ARFGEF2: variants seen among roughly 807,000 people sequenced by gnomAD.
ARFGEF2 encodes the protein brefeldin A-inhibited guanine nucleotide-exchange protein 2.
In ARFGEF2, 74 loss-of-function variants were observed where a neutral mutation model predicts 219.9. The ratio of observed to expected loss-of-function variants is 0.34; its 90% CI spans 0.28 to 0.41. ARFGEF2 has a LOEUF of 0.41. Ranked by LOEUF, ARFGEF2 falls within the 10% of genes least tolerant of loss-of-function variation. ARFGEF2 has a pLI of 1.00. For missense variants in ARFGEF2, 1,743 were observed against 2,218.3 expected, an observed-to-expected ratio of 0.79 and a Z score of 4.30; for synonymous variants, 733 against 799.2, an observed-to-expected ratio of 0.92 and a Z score of 1.40.
At chr20:48,961,495 CCTCCTGAACCTGCCTGAGACTTTTTTA>C (rs1260721863) in intron 6 of ARFGEF2, among the ~76,000 whole-genome samples, 2 of 149,112 alleles carry the variant, frequency 1.3e-5, no homozygotes, top group African/African-American at 4.8e-5. Context: ...TTCCGGAATG[CCTCCTGAACCTGCCTGAGACTTTTTTA>C]CAGCTAACTT....
chr20:49,001,274 G>A (rs547164961), intron 25 of ARFGEF2, among the ~76,000 whole-genome samples: 2 of 151,972 alleles, frequency 1.3e-5, no homozygotes, highest in South Asian at 2.1e-4. Context: ...TCCTGACCTC[G>A]GGTGATCTGC....
At chr20:48,925,022 G>C (rs578027307) in intron 1 of ARFGEF2, among the ~76,000 whole-genome samples, 1 of 152,086 alleles carries the variant, frequency 6.6e-6, no homozygotes, top group African/African-American at 2.4e-5. Flanking sequence ...TTAGTTCCTC[G>C]TTCAGGAATG....
At chr20:49,005,250 G>T (rs2123500756) in intron 26 of ARFGEF2, 29 bp downstream of exon 26, 1 of 1,613,634 alleles carries the variant, frequency 6.2e-7, no homozygotes, top group Non-Finnish European at 8.5e-7. Context: ...AAGACGCTTG[G>T]TCAAATTCCC....
chr20:48,953,680 C>T lies in ARFGEF2; in HGVS notation c.728C>T (p.Thr243Ile). The T allele has an allele frequency of 6.2e-7, 1 of 1,614,134 alleles. No individual in the cohort carries two copies. Among genetic ancestry groups the T allele is most frequent in the South Asian group, 1.1e-5 (1 of 91,078 alleles). ...CACAGTCAGGCACAAAGCAAACCAACAACTCCCGAAAAAACAGATTTAACC... is the reference window on the plus strand; with the variant it reads ...CACAGTCAGGCACAAAGCAAACCAATAACTCCCGAAAAAACAGATTTAACC... ...LKHSQAQSKP[T>I]TPEKTDLTNG... The change falls in exon 6 of 39, where the codon ACA becomes ATA. Residue 243 changes from threonine (T) to isoleucine (I), a missense_variant. Physicochemically the swap from Thr to Ile is moderately conservative, Grantham distance 89. Coordinates refer to ENST00000371917, the MANE Select transcript of ARFGEF2 (RefSeq NM_006420.3).
chr20:49,005,677 G>A lies in ARFGEF2; in HGVS notation c.3584+456G>A, dbSNP rs1272566172. On this transcript the variant is annotated intron_variant, in intron 26 of 38. Coordinates refer to ENST00000371917, the MANE Select transcript of ARFGEF2 (RefSeq NM_006420.3). Reference sequence around the variant, plus strand: ...GGCGTGAACTCAGGAGGCAGAGCTTGCAGTGAGCCAAGATTGCGCCACTGC... The same window carrying A: ...GGCGTGAACTCAGGAGGCAGAGCTTACAGTGAGCCAAGATTGCGCCACTGC... Among the ~76,000 whole-genome samples the A allele has an allele frequency of 6.2e-5, 9 of 145,542 alleles. No homozygotes were observed. In the South Asian group the frequency reaches 1.9e-3, roughly 31 times the overall value.
chr20:49,022,765 CA>C (rs532658145), intron 34 of ARFGEF2, among the ~76,000 whole-genome samples: 143 of 152,138 alleles, frequency 9.4e-4, no homozygotes, highest in Non-Finnish European at 1.6e-3. Context: ...CTGTCAACAC[CA>C]TGGGAGCAGA....
At position 48,994,456 on chromosome 20, in the gene ARFGEF2, G is replaced by A. The variant is rs1345016484; in HGVS notation, c.2979G>A (p.Leu993=). The A allele has an allele frequency of 2.5e-6, 4 of 1,613,916 alleles. No individual in the cohort carries two copies. Among genetic ancestry groups the A allele is most frequent in the South Asian group, 2.2e-5 (2 of 91,078 alleles). The change falls in exon 22 of 39, where the codon TTG becomes TTA. Residue 993 remains leucine (L), a synonymous_variant. Coordinates refer to ENST00000371917, the MANE Select transcript of ARFGEF2 (RefSeq NM_006420.3). The part of the protein sequence containing the change: ...NYLGNSWHEI[L]KCISQLELAQ... Reference sequence around the variant, plus strand: ...TCATGCCTTCTTTCTCTTAGATCTTGAAATGCATCAGCCAGCTGGAGCTCG... The same window carrying A: ...TCATGCCTTCTTTCTCTTAGATCTTAAAATGCATCAGCCAGCTGGAGCTCG...
In ARFGEF2 at chr20:49,016,390, A is replaced by G; in HGVS notation, c.4290A>G (p.Ala1430=). 1 of 1,613,488 alleles carries G rather than the reference A, an allele frequency of 6.2e-7. No individual in the cohort carries two copies. Among genetic ancestry groups the G allele is most frequent in the Non-Finnish European group, 8.5e-7 (1 of 1,179,966 alleles). The part of the protein sequence containing the change: ...LNEVLLSDVF[A]QLQWCVKQDN... ...AAGTTCTTCTTTCTGATGTATTTGCACAATTGCAGTGGTGTGTCAAACAAG... is the reference window on the plus strand; with the variant it reads ...AAGTTCTTCTTTCTGATGTATTTGCGCAATTGCAGTGGTGTGTCAAACAAG... The change falls in exon 31 of 39, where the codon GCA becomes GCG. Residue 1430 remains alanine (A), a synonymous_variant. Transcript: ENST00000371917.
chr20:48,960,096 C>A (rs555465977), intron 6 of ARFGEF2, among the ~76,000 whole-genome samples: 1 of 152,048 alleles, frequency 6.6e-6, no homozygotes, highest in African/African-American at 2.4e-5. Context: ...CACTGTTTTG[C>A]GAAAGAATAT....
At position 49,017,233 on chromosome 20, in the gene ARFGEF2, C is replaced by T. The variant is rs2091536017; in HGVS notation, c.4316-16C>T. ...AGCAGTAGAAGTTTAATGATAGATA[C>T]TGCTTTATTTTACAGATAATGAACA... On this transcript the variant is annotated splice_polypyrimidine_tract_variant and intron_variant, in intron 31 of 38. Coordinates refer to ENST00000371917, the MANE Select transcript of ARFGEF2 (RefSeq NM_006420.3). The T allele has an allele frequency of 6.2e-7, 1 of 1,613,346 alleles. No individual in the cohort carries two copies. Among genetic ancestry groups the T allele is most frequent in the South Asian group, 1.1e-5 (1 of 91,056 alleles).
chr20:48,952,762 C>T lies in ARFGEF2; in HGVS notation c.481C>T (p.Gln161Ter). ...TGAAATTCATGAGGGTACTATCCTG[C>T]AGACAGTGAGAACATGTTACAATAT... ...HIEIHEGTIL[Q>*]TVRTCYNIYL... Residue 161 changes from glutamine to a stop codon, truncating the protein, a stop_gained, in exon 5 of 39, where the codon CAG becomes TAG. Transcript: ENST00000371917. LOFTEE classifies it high-confidence loss of function. The T allele has an allele frequency of 6.2e-7, 1 of 1,614,214 alleles. No homozygotes were observed. The highest frequency in any genetic ancestry group is 8.5e-7 in the Non-Finnish European group (1 of 1,180,034).
chr20:48,945,773 A>G (rs2091022074), intron 3 of ARFGEF2, among the ~76,000 whole-genome samples: 1 of 152,198 alleles, frequency 6.6e-6, no homozygotes, highest in Non-Finnish European at 1.5e-5. Context: ...CAGAGGCAGG[A>G]GAATTGCTTG....
At chr20:48,976,335 GC>G in intron 14 of ARFGEF2, 136 bp downstream of exon 14, 1 of 1,068,604 alleles carries the variant, frequency 9.4e-7, no homozygotes, top group Non-Finnish European at 1.4e-6. Flanking sequence ...GCCTGATTGA[GC>G]CAGGCAATCA....
chr20:48,989,540 C>T lies in ARFGEF2; in HGVS notation c.2686-16C>T, dbSNP rs370562126. 1.2e-6 allele frequency: 2 copies of T among 1,614,250 alleles called. No homozygotes were observed. Among genetic ancestry groups the T allele is most frequent in the Admixed American group, 3.3e-5 (2 of 60,034 alleles). On this transcript the variant is annotated splice_polypyrimidine_tract_variant and intron_variant, in intron 19 of 38. Transcript: ENST00000371917. ...CTAAAACTCTGGATGTTATTGAAATCTTCCTTCCATGATAGCTGGTGTGGA... is the reference window on the plus strand; with the variant it reads ...CTAAAACTCTGGATGTTATTGAAATTTTCCTTCCATGATAGCTGGTGTGGA...
chr20:48,985,327 G>T, intron 15 of ARFGEF2, 81 bp from the exon 16 acceptor site: 2 of 1,478,678 alleles, frequency 1.4e-6, no homozygotes, highest in South Asian at 1.1e-5. Flanking sequence ...AGGCTATTCT[G>T]ACTCCACCCT....
At chr20:48,960,593 C>G (rs547315135) in intron 6 of ARFGEF2, among the ~76,000 whole-genome samples, 1 of 151,822 alleles carries the variant, frequency 6.6e-6, no homozygotes, top group Non-Finnish European at 1.5e-5. Context: ...AAGTGATTCT[C>G]CTGCCTCAGC....
chr20:49,032,059 G>A lies in ARFGEF2; in HGVS notation c.5074G>A (p.Glu1692Lys). ...IQQRLLTVCS[E>K]ALAYFITVNS... is the part of the protein sequence containing the mutation. ...CTCTAATTCTTCTAGTGTTTGCAGT[G>A]AAGCTCTTGCCTATTTCATCACTGT... Residue 1692 changes from glutamate to lysine, a missense_variant, in exon 38 of 39, where the codon GAA becomes AAA. This residue lies in a region of ARFGEF2 where 578 missense variants were observed against 664.0 expected (regional missense o/e 0.87). Coordinates refer to ENST00000371917, the MANE Select transcript of ARFGEF2 (RefSeq NM_006420.3). 2 of 1,613,628 alleles carry A rather than the reference G, an allele frequency of 1.2e-6. No individual in the cohort carries two copies. Among genetic ancestry groups the A allele is most frequent in the Non-Finnish European group, 1.7e-6 (2 of 1,179,554 alleles).
At chr20:48,941,287 T>C in intron 2 of ARFGEF2, 58 bp downstream of exon 2, 1 of 1,553,238 alleles carries the variant, frequency 6.4e-7, no homozygotes, top group East Asian at 2.3e-5. Context: ...AGGTAGCAAC[T>C]GGGGGAGCCT....
At chr20:49,003,540 G>T (rs892660244) in intron 25 of ARFGEF2, among the ~76,000 whole-genome samples, 1 of 151,928 alleles carries the variant, frequency 6.6e-6, no homozygotes, top group Non-Finnish European at 1.5e-5. Context: ...GGGAGGTGGA[G>T]ATTGCAGTGA....
Sources: allele counts gnomAD v4.1 joint callset (sites outside exome capture counted in the v4.1 genomes callset), GRCh38; gene constraint gnomAD v4.1.1; regional missense constraint gnomAD v4.1.1; transcripts MANE v1.5; gene names NCBI Gene and HGNC (gene_info 2026-07-23, HGNC 2026-07-21).